DDX19A: variants seen among roughly 807,000 people sequenced by gnomAD.
The protein encoded by DDX19A is ATP-dependent RNA helicase DDX19A.
DDX19A carries 12 observed loss-of-function variants against 60.6 expected under a neutral mutation model. That is an observed-to-expected ratio of 0.20 (90% CI 0.13 to 0.32). The LOEUF (loss-of-function observed/expected upper bound fraction) is 0.32, where lower values mean the gene tolerates loss of function less well. DDX19A is among the 10% of genes least tolerant of loss of function. The pLI is 1.00. For synonymous variants in DDX19A, 206 were observed against 218.2 expected (o/e 0.94, Z 0.49); for missense variants, 337 against 600.6 (o/e 0.56, Z 4.59).
intron 3 of DDX19A, 177 bp from the exon 4 acceptor site, chr16:70,355,935 C>T: frequency 1.3e-6 from 1 of 787,558 alleles, no homozygotes; most frequent in South Asian, 1.8e-5. Context: ...GCACTCCAGC[C>T]TGGGTGACAG....
At chr16:70,357,362 GTTTGTTTTTTTTT>G (rs1964234766) in intron 4 of DDX19A, among the ~76,000 whole-genome samples, 3 of 48,876 alleles carry the variant, frequency 6.1e-5, no homozygotes, top group African/African-American at 2.4e-4. Flanking sequence ...TCTGTTTTTG[GTTTGTTTTTTTTT>G]TTTTTTTTTT....
In DDX19A at chr16:70,371,940, G is replaced by A; in HGVS notation, c.1391G>A (p.Arg464Lys). Residue 464 changes from arginine (R) to lysine (K), a missense_variant, in exon 12 of 12, where the codon AGA becomes AAA. Arg to Lys is a conservative substitution (Grantham distance 26). This residue lies in a region of DDX19A where 29 missense variants were observed against 51.2 expected (regional missense o/e 0.57). Coordinates refer to ENST00000302243, the MANE Select transcript of DDX19A (RefSeq NM_018332.5). ...TTTCCCCCAGATAAGAAGATAGAAAGATTGGACACAGATGATTTGGACGAG... is the reference window on the plus strand; with the variant it reads ...TTTCCCCCAGATAAGAAGATAGAAAAATTGGACACAGATGATTTGGACGAG... ...IQEHFNKKIE[R>K]LDTDDLDEIE... 1 of 1,613,990 alleles carries A rather than the reference G, an allele frequency of 6.2e-7. No individual in the cohort carries two copies. Among genetic ancestry groups the A allele is most frequent in the South Asian group, 1.1e-5 (1 of 91,080 alleles).
chr16:70,364,096 A>G (rs1325905916), intron 5 of DDX19A: 2 of 154,848 alleles, frequency 1.3e-5, no homozygotes, highest in Non-Finnish European at 2.9e-5. Context: ...ATGGAATGTA[A>G]AAGTTCCCTC....
At chr16:70,360,019 G>A (rs935520871) in intron 4 of DDX19A, among the ~76,000 whole-genome samples, 5 of 151,966 alleles carry the variant, frequency 3.3e-5, no homozygotes, top group East Asian at 1.9e-4. Flanking sequence ...TACAGCTCAC[G>A]CCTGTAATCC....
chr16:70,370,696 C>CAAAA, intron 10 of DDX19A: 1 of 210,784 alleles, frequency 4.7e-6, no homozygotes, highest in Non-Finnish European at 9.1e-6. Flanking sequence ...ACTCTGTCTC[C>CAAAA]AAAAAAAAAA....
In DDX19A at chr16:70,371,908, G is replaced by C; in HGVS notation, c.1376-17G>C. 1 of 1,614,020 alleles carries C rather than the reference G, an allele frequency of 6.2e-7. No individual in the cohort carries two copies. Among genetic ancestry groups the C allele is most frequent in the Non-Finnish European group, 8.5e-7 (1 of 1,179,884 alleles). On this transcript the variant is annotated splice_polypyrimidine_tract_variant and intron_variant, in intron 11 of 11. Coordinates refer to ENST00000302243, the MANE Select transcript of DDX19A (RefSeq NM_018332.5). ...ACATTCCTGGGCAGGGTAGAGACTT[G>C]TGTATCTTTCCCCCAGATAAGAAGA...
At chr16:70,365,227 A>G (rs1353813764) in intron 7 of DDX19A, 96 bp downstream of exon 7, 3 of 779,342 alleles carry the variant, frequency 3.8e-6, no homozygotes, top group Non-Finnish European at 2.2e-6. Context: ...TTTCTAATTC[A>G]GTCTGACCCT....
chr16:70,348,053 C>G, intron 1 of DDX19A: 2 of 423,442 alleles, frequency 4.7e-6, no homozygotes, highest in South Asian at 1.7e-5. Context: ...ATTTATTGAA[C>G]TACAGAGAAC....
intron 1 of DDX19A, among the ~76,000 whole-genome samples, chr16:70,348,238 G>C (rs751963204): frequency 6.6e-6 from 1 of 152,052 alleles, no homozygotes; most frequent in East Asian, 1.9e-4. Context: ...GGGAGATAAA[G>C]CCAAAGGTTT....
At chr16:70,364,275 C>A (rs1964455367) in intron 5 of DDX19A, 1 of 375,092 alleles carries the variant, frequency 2.7e-6, no homozygotes, top group Admixed American at 4.1e-5. Flanking sequence ...CCTTGGGGTG[C>A]AAAACTGGGG....
At chr16:70,358,799 A>G (rs530892606) in intron 4 of DDX19A, among the ~76,000 whole-genome samples, 1 of 152,306 alleles carries the variant, frequency 6.6e-6, no homozygotes, top group Non-Finnish European at 1.5e-5. Context: ...GTGAGCCGAG[A>G]TCATGCCGTT....
At chr16:70,351,038 G>A (rs1417742646) in intron 2 of DDX19A, among the ~76,000 whole-genome samples, 3 of 147,562 alleles carry the variant, frequency 2.0e-5, no homozygotes, top group African/African-American at 5.0e-5. Flanking sequence ...GCCACCACGC[G>A]CTAGTTTTTT....
chr16:70,367,718 A>T (rs923436308), intron 9 of DDX19A, among the ~76,000 whole-genome samples: 9 of 151,504 alleles, frequency 5.9e-5, no homozygotes, highest in Non-Finnish European at 1.2e-4. Flanking sequence ...TCTCTACTAA[A>T]AATACAAAAT....
At chr16:70,368,019 TAAA>T (rs962083425) in intron 9 of DDX19A, among the ~76,000 whole-genome samples, 32 of 151,764 alleles carry the variant, frequency 2.1e-4, no homozygotes, top group Non-Finnish European at 4.4e-4. Flanking sequence ...CTAAAACACT[TAAA>T]AAAAATTAGC....
At chr16:70,352,899 A>G (rs1964067286) in intron 2 of DDX19A, among the ~76,000 whole-genome samples, 1 of 151,896 alleles carries the variant, frequency 6.6e-6, no homozygotes, top group Non-Finnish European at 1.5e-5. Flanking sequence ...CAGCCTCCCA[A>G]AGTGCTGGGA....
At chr16:70,351,685 C>T (rs1007183748) in intron 2 of DDX19A, among the ~76,000 whole-genome samples, 1 of 151,552 alleles carries the variant, frequency 6.6e-6, no homozygotes, top group African/African-American at 2.4e-5. Context: ...CCACCATGCC[C>T]AGCTAATTTT....
intron 2 of DDX19A, among the ~76,000 whole-genome samples, chr16:70,353,789 T>C (rs1008188780): frequency 2.0e-5 from 3 of 151,412 alleles, no homozygotes; most frequent in Non-Finnish European, 2.9e-5. Flanking sequence ...TAGTCCCAGC[T>C]ACTCGGGAGG....
rs867260263 is a variant in DDX19A, at chr16:70,366,062, G to A, written c.605-23G>A. 8.7e-6 allele frequency: 14 copies of A among 1,614,178 alleles called. No homozygotes were observed. The Middle Eastern group carries it at 2.3e-3, about 266-fold the overall frequency. On this transcript the variant is annotated intron_variant, in intron 7 of 11. Coordinates refer to ENST00000302243, the MANE Select transcript of DDX19A (RefSeq NM_018332.5). ...CTGGCTTTGCCTTTGAAATACCTAT[G>A]AAAATCACCTGGGTCTCCACAGTGG...
intron 1 of DDX19A, among the ~76,000 whole-genome samples, chr16:70,347,675 T>C (rs1259619993): frequency 6.6e-6 from 1 of 152,196 alleles, no homozygotes; most frequent in Non-Finnish European, 1.5e-5. Context: ...GATAATGGAC[T>C]GTCTTTTTTT....
Sources: allele counts gnomAD v4.1 joint callset (sites outside exome capture counted in the v4.1 genomes callset), GRCh38; gene constraint gnomAD v4.1.1; regional missense constraint gnomAD v4.1.1; transcripts MANE v1.5; gene names NCBI Gene and HGNC (gene_info 2026-07-23, HGNC 2026-07-21).